The following MAN1C1 variants were observed in gnomAD, a reference collection of about 807,000 sequenced individuals.
MAN1C1 encodes mannosidase alpha class 1C member 1.
Under a neutral mutation model 71.5 loss-of-function variants are expected in MAN1C1, and 49 were observed. The ratio of observed to expected loss-of-function variants is 0.69; its 90% CI spans 0.54 to 0.87. The LOEUF is 0.87. MAN1C1 is among the 40% of genes least tolerant of loss of function. MAN1C1 has a pLI of 0.00. For missense variants in MAN1C1, 743 were observed against 835.0 expected (o/e 0.89, Z 1.36); for synonymous variants, 352 against 343.7 (o/e 1.02, Z -0.27).
intron 1 of MAN1C1, among the ~76,000 whole-genome samples, chr1:25,647,203 T>G (rs1251995647): frequency 1.3e-5 from 2 of 152,106 alleles, no homozygotes; most frequent in Admixed American, 1.3e-4. Context: ...CATTCACAAG[T>G]GCAGCTGGGT....
At chr1:25,628,234 C>A (rs2045327843) in intron 1 of MAN1C1, among the ~76,000 whole-genome samples, 1 of 151,864 alleles carries the variant, frequency 6.6e-6, no homozygotes, top group South Asian at 2.1e-4. Flanking sequence ...TATTAACTAT[C>A]TCTATTTTAC....
At chr1:25,759,656 C>T (rs543560933) in intron 6 of MAN1C1, 1 of 152,328 alleles carries the variant, frequency 6.6e-6, no homozygotes, top group Admixed American at 6.5e-5. Flanking sequence ...AAAGCATTAC[C>T]TGGCACAGCT....
chr1:25,635,971 G>T lies in MAN1C1; in HGVS notation c.540+17634G>T, dbSNP rs142603696. ...GGAATTTTACAGCCGGGCCTCCGGGGTGACATCACATATCGGTAGGACCGT... is the reference window on the plus strand; with the variant it reads ...GGAATTTTACAGCCGGGCCTCCGGGTTGACATCACATATCGGTAGGACCGT... On this transcript the variant is annotated intron_variant, in intron 1 of 11. Coordinates refer to ENST00000374332, the MANE Select transcript of MAN1C1 (RefSeq NM_020379.4). 1.3e-3 allele frequency among the ~76,000 whole-genome samples: 202 copies of T among 152,294 alleles called. 1 individual carries two copies. Among genetic ancestry groups the T allele is most frequent in the Non-Finnish European group, 2.0e-3 (136 of 68,024 alleles).
chr1:25,677,460 G>C (rs139635270), intron 1 of MAN1C1, among the ~76,000 whole-genome samples: 1 of 152,146 alleles, frequency 6.6e-6, no homozygotes, highest in South Asian at 2.1e-4. Flanking sequence ...TGCCTGTTGC[G>C]CGTTTCTAGA....
intron 1 of MAN1C1, among the ~76,000 whole-genome samples, chr1:25,643,343 C>G (rs944730646): frequency 6.6e-6 from 1 of 151,448 alleles, no homozygotes; most frequent in Non-Finnish European, 1.5e-5. Flanking sequence ...CAACCTCTGC[C>G]TCCTGGTTTT....
At chr1:25,686,630 C>T (rs918517334) in intron 2 of MAN1C1, 94 bp downstream of exon 2, 4 of 1,024,058 alleles carry the variant, frequency 3.9e-6, no homozygotes, top group Non-Finnish European at 6.1e-6. Flanking sequence ...ACCTCCTGAG[C>T]TGTGGGGGCT....
At chr1:25,729,026 C>T (rs972943727) in intron 2 of MAN1C1, among the ~76,000 whole-genome samples, 3 of 152,206 alleles carry the variant, frequency 2.0e-5, no homozygotes, top group African/African-American at 4.8e-5. Flanking sequence ...AGCCTCTTGC[C>T]CCTTCGTTAG....
At chr1:25,692,089 GC>G (rs1417086604) in intron 2 of MAN1C1, among the ~76,000 whole-genome samples, 19 of 152,204 alleles carry the variant, frequency 1.2e-4, no homozygotes, top group Admixed American at 9.2e-4. Context: ...AGGGGAAAGG[GC>G]TTGCCTGGTG....
intron 1 of MAN1C1, among the ~76,000 whole-genome samples, chr1:25,669,743 G>C (rs2045970020): frequency 6.6e-6 from 1 of 152,286 alleles, no homozygotes; most frequent in East Asian, 1.9e-4. Flanking sequence ...TCATACCACT[G>C]TACTGCACTC....
rs147532779 is a variant in MAN1C1 at position 25,695,694 on chromosome 1, G to A, written c.637+9158G>A. Among the ~76,000 whole-genome samples, 263 of 152,314 alleles carry A rather than the reference G, an allele frequency of 1.7e-3. 2 individuals are homozygous for A. The highest frequency in any genetic ancestry group is 2.9e-3 in the Non-Finnish European group (194 of 68,024). The stretch of plus-strand genomic sequence containing the variant: ...TAAGATGCATCTTGGCCATTTTCTT[G>A]TTCTTTAAAAGGCTTTCCACTAGCA... On this transcript the variant is annotated intron_variant, in intron 2 of 11. Transcript: ENST00000374332.
At chr1:25,758,769 A>G (rs2047323349) in intron 6 of MAN1C1, 60 bp downstream of exon 6, 3 of 1,469,854 alleles carry the variant, frequency 2.0e-6, no homozygotes, top group South Asian at 1.1e-5. Flanking sequence ...CGGCTGCCAC[A>G]GGGTTTTCAG....
rs2046617630 is a variant in MAN1C1, at chr1:25,711,823, T to G, written c.637+25287T>G. ...TGTGTGAAAGAGGATACTTTCTTTATTTTACTAAAAGATTCCTTTCATTCA... is the reference window on the plus strand; with the variant it reads ...TGTGTGAAAGAGGATACTTTCTTTAGTTTACTAAAAGATTCCTTTCATTCA... On this transcript the variant is annotated intron_variant, in intron 2 of 11. Transcript: ENST00000374332. This position sits in a 1 kb window ranked among gnomAD's most constrained non-coding sequence, Gnocchi z 4.3. Among the ~76,000 whole-genome samples the G allele has an allele frequency of 6.6e-6, 1 of 152,236 alleles. No individual in the cohort carries two copies. Among genetic ancestry groups the G allele is most frequent in the South Asian group, 2.1e-4 (1 of 4,830 alleles).
At position 25,618,319 on chromosome 1, in the gene MAN1C1, G is replaced by A. The variant is rs762282014; in HGVS notation, c.522G>A (p.Gln174=). The A allele has an allele frequency of 1.9e-6, 3 of 1,601,626 alleles. No individual in the cohort carries two copies. The African/African-American group carries it at 4.0e-5, about 22-fold the overall frequency. ...AGCCCCAGAGCCAAGTGCGAGCCCA[G>A]CGGGAGAAAATCAAGGAGGTATGGA... ...SQEPQSQVRA[Q]REKIKEMMQF... is the part of the protein sequence containing the mutation. The change falls in exon 1 of 12, where the codon CAG becomes CAA. Residue 174 remains glutamine (Q), a synonymous_variant. Coordinates refer to ENST00000374332, the MANE Select transcript of MAN1C1 (RefSeq NM_020379.4).
At chr1:25,726,078 C>T (rs1281637893) in intron 2 of MAN1C1, among the ~76,000 whole-genome samples, 1 of 152,268 alleles carries the variant, frequency 6.6e-6, no homozygotes, top group Admixed American at 6.5e-5. Context: ...TAACACTGCT[C>T]CGACTGTAGC....
At chr1:25,636,268 A>G (rs1417918080) in intron 1 of MAN1C1, among the ~76,000 whole-genome samples, 7 of 152,130 alleles carry the variant, frequency 4.6e-5, no homozygotes, top group African/African-American at 1.4e-4. Context: ...CCACAAATTT[A>G]CCAGGGCAGA....
intron 2 of MAN1C1, among the ~76,000 whole-genome samples, chr1:25,688,351 T>C (rs1486334873): frequency 1.3e-5 from 2 of 152,222 alleles, no homozygotes; most frequent in African/African-American, 4.8e-5. Flanking sequence ...ATCAAAGTTG[T>C]GGAGCTTTTG....
At position 25,769,631 on chromosome 1, in the gene MAN1C1, C is replaced by T. The variant is rs1230703585; in HGVS notation, c.1142-2026C>T. Among the ~76,000 whole-genome samples the T allele has an allele frequency of 1.3e-5, 2 of 152,212 alleles. No homozygotes were observed. The highest frequency in any genetic ancestry group is 2.1e-4 in the South Asian group (1 of 4,832). On this transcript the variant is annotated intron_variant, in intron 7 of 11. Coordinates refer to ENST00000374332, the MANE Select transcript of MAN1C1 (RefSeq NM_020379.4). This position sits in a 1 kb window ranked among gnomAD's most constrained non-coding sequence, Gnocchi z 4.8. Reference sequence around the variant, plus strand: ...GCCCTTCCTGGCACAGCCCAAGCCTCCCATCCCGGCAGAGCCCAGGCCTCC... The same window carrying T: ...GCCCTTCCTGGCACAGCCCAAGCCTTCCATCCCGGCAGAGCCCAGGCCTCC...
chr1:25,702,930 T>C (rs190252231), intron 2 of MAN1C1, among the ~76,000 whole-genome samples: 6 of 152,350 alleles, frequency 3.9e-5, no homozygotes, highest in African/African-American at 1.4e-4. Context: ...ACTCAGACTC[T>C]GTGAATTGAA....
chr1:25,753,531 G>C lies in MAN1C1; in HGVS notation c.882G>C (p.Ala294=). The change falls in exon 5 of 12, where the codon GCG becomes GCC. Residue 294 remains alanine, a synonymous_variant. Transcript: ENST00000374332. This position sits in a 1 kb window ranked among gnomAD's most constrained non-coding sequence, Gnocchi z 4.9. Reference sequence around the variant, plus strand: ...GGCTGGGAGAGAAGCTCCTGCCGGCGTTCAACACCCCCACGGGAATCCCAA... The same window carrying C: ...GGCTGGGAGAGAAGCTCCTGCCGGCCTTCAACACCCCCACGGGAATCCCAA... ...AIRLGEKLLP[A]FNTPTGIPKG... 1 of 1,613,876 alleles carries C rather than the reference G, an allele frequency of 6.2e-7. No homozygotes were observed. Among genetic ancestry groups the C allele is most frequent in the Non-Finnish European group, 8.5e-7 (1 of 1,179,910 alleles).
Sources: allele counts gnomAD v4.1 joint callset (sites outside exome capture counted in the v4.1 genomes callset), GRCh38; gene constraint gnomAD v4.1.1; non-coding constraint Gnocchi (gnomAD v3.1); transcripts MANE v1.5; gene names NCBI Gene and HGNC (gene_info 2026-07-23, HGNC 2026-07-21).